MAST4: variants seen among roughly 807,000 people sequenced by gnomAD.
MAST4 encodes microtubule associated serine/threonine kinase family member 4, also known as microtubule-associated serine/threonine-protein kinase 4.
MAST4 carries 89 observed loss-of-function variants against 162.7 expected under a neutral mutation model. The ratio of observed to expected loss-of-function variants is 0.55; its 90% CI spans 0.46 to 0.65. MAST4 has a LOEUF of 0.65. MAST4 is among the 30% of genes least tolerant of loss of function. The pLI is 0.00. For missense variants in MAST4, 3,153 were observed against 3,374.0 expected (o/e 0.93, Z 1.62); for synonymous variants, 1,479 against 1,361.1 (o/e 1.09, Z -1.91).
intron 1 of MAST4, among the ~76,000 whole-genome samples, chr5:66,695,272 A>G (rs1472294387): frequency 6.6e-6 from 1 of 152,156 alleles, no homozygotes; most frequent in East Asian, 1.9e-4. Flanking sequence ...TAAATAGGGA[A>G]TCCTTTCCCC....
chr5:67,094,478 C>A (rs185620006), intron 6 of MAST4, among the ~76,000 whole-genome samples: 1 of 152,118 alleles, frequency 6.6e-6, no homozygotes, highest in Non-Finnish European at 1.5e-5. Flanking sequence ...CGTAATAACA[C>A]GAATTACAAA....
intron 4 of MAST4, among the ~76,000 whole-genome samples, chr5:66,911,611 C>G (rs951403824): frequency 8.3e-6 from 1 of 121,096 alleles, no homozygotes; most frequent in African/African-American, 3.1e-5. Context: ...TGGCATGTAT[C>G]TATAGTCCTA....
Position 67,165,955 on chromosome 5 carries a change from A to G in MAST4, c.6776A>G (p.Lys2259Arg), listed in dbSNP as rs1364450749. 1.9e-6 allele frequency: 3 copies of G among 1,613,412 alleles called. No homozygotes were observed. Among genetic ancestry groups the G allele is most frequent in the Non-Finnish European group, 2.5e-6 (3 of 1,179,794 alleles). ...CCTGCTACCCCAGGCTCCCAGAACA[A>G]AGCCAGCGATGGGATTGGCCAGGGA... ...VFPATPGSQN[K>R]ASDGIGQGEG... is the part of the protein sequence containing the mutation. Residue 2259 changes from lysine to arginine, a missense_variant, in exon 29 of 29, where the codon AAA becomes AGA. By Grantham distance (26) the Lys-to-Arg change is conservative. This residue lies in a region of MAST4 where 1,644 missense variants were observed against 1,495.0 expected (regional missense o/e 1.10). Coordinates refer to ENST00000403625, the MANE Select transcript of MAST4 (RefSeq NM_001164664.2).
chr5:66,967,305 A>G (rs1031525698), intron 4 of MAST4, among the ~76,000 whole-genome samples: 2 of 152,186 alleles, frequency 1.3e-5, no homozygotes, highest in South Asian at 2.1e-4. Flanking sequence ...GTACAGAGAC[A>G]TGAGTCAGCT....
chr5:67,102,652 A>G lies in MAST4; in HGVS notation c.1146+41A>G, dbSNP rs900012606. 6 of 1,486,562 alleles carry G rather than the reference A, an allele frequency of 4.0e-6. No individual in the cohort carries two copies. In the African/African-American group the frequency reaches 6.9e-5, roughly 17 times the overall value. 92.1% of individuals were successfully genotyped at this position (1,486,562 alleles called of 1,614,324 possible). On this transcript the variant is annotated intron_variant, in intron 9 of 28. Transcript: ENST00000403625. ...GAAGATGCCTAGCATCTAAACGAAC[A>G]GGCACCATAGGTTTAGAGTCTGTAA...
chr5:66,838,182 G>A (rs1385165445), intron 3 of MAST4, among the ~76,000 whole-genome samples: 1 of 151,974 alleles, frequency 6.6e-6, no homozygotes. Flanking sequence ...TCCAGGGCAT[G>A]ATGAGACAGT....
chr5:67,153,483 G>T lies in MAST4; in HGVS notation c.3551G>T (p.Cys1184Phe). 6.2e-7 allele frequency: 1 copy of T among 1,604,588 alleles called. No homozygotes were observed. Among genetic ancestry groups the T allele is most frequent in the Non-Finnish European group, 8.5e-7 (1 of 1,175,288 alleles). ...AATGTAGAAGAAGGAAGTCCGGCAT[G>T]CCAGGCAGGACTGAAGGCTGGAGAT... is the stretch of plus-strand genomic sequence containing the variant. ...VWNVEEGSPA[C>F]QAGLKAGDLI... is the part of the protein sequence containing the mutation. Residue 1184 changes from cysteine to phenylalanine, a missense_variant, in exon 26 of 29, where the codon TGC becomes TTC. Physicochemically the swap from Cys to Phe is radical, Grantham distance 205 (BLOSUM62 -2). This residue lies in a region of MAST4 where 619 missense variants were observed against 744.2 expected (regional missense o/e 0.83). Coordinates refer to ENST00000403625, the MANE Select transcript of MAST4 (RefSeq NM_001164664.2).
chr5:67,147,542 G>T lies in MAST4; in HGVS notation c.3095-1847G>T, dbSNP rs138977791. 7.6e-4 allele frequency among the ~76,000 whole-genome samples: 116 copies of T among 152,292 alleles called. 2 individuals are homozygous for T. Among genetic ancestry groups the T allele is most frequent in the African/African-American group, 2.7e-3 (111 of 41,570 alleles). On this transcript the variant is annotated intron_variant, in intron 23 of 28. Transcript: ENST00000403625. ...CTTTTATCATGACTACATTGTGTTT[G>T]AAGCCATGAAAAATAAACGTCTTGA... is the stretch of plus-strand genomic sequence containing the variant.
Position 67,165,245 on chromosome 5 carries a change from C to T in MAST4, c.6066C>T (p.His2022=). The T allele has an allele frequency of 1.9e-6, 3 of 1,613,016 alleles. No homozygotes were observed. The highest frequency in any genetic ancestry group is 2.5e-6 in the Non-Finnish European group (3 of 1,179,716). The change falls in exon 29 of 29, where the codon CAC becomes CAT. Residue 2022 remains histidine, a synonymous_variant. Coordinates refer to ENST00000403625, the MANE Select transcript of MAST4 (RefSeq NM_001164664.2). ...SKNLLSVGRT[H]PDFYTQTQAM... The stretch of plus-strand genomic sequence containing the variant: ...ATCTCCTCTCTGTGGGAAGGACCCA[C>T]CCAGATTTCTATACACAGACCCAGG...
At chr5:66,809,860 C>T (rs569836396) in intron 3 of MAST4, among the ~76,000 whole-genome samples, 4 of 152,236 alleles carry the variant, frequency 2.6e-5, no homozygotes, top group Middle Eastern at 3.4e-3. Context: ...CTCAGCTTCC[C>T]GAGTAGCTGG....
At position 67,168,905 on chromosome 5, in the gene MAST4, CAAAAA is replaced by C. The variant is rs1015000021; in HGVS notation, c.*1857_*1861del. 4 of 151,668 alleles carry C rather than the reference CAAAAA, an allele frequency of 2.6e-5. No individual in the cohort carries two copies. Among genetic ancestry groups the C allele is most frequent in the Non-Finnish European group, 5.9e-5 (4 of 67,896 alleles). The allele number at this position is 151,668 out of a possible 1,614,324, so 9.4% of individuals were successfully genotyped here. ...CTTTGGGAAAAAGGAAAAAAACAAA[CAAAAA>C]AAGAAAAAGAAAAAAGCCTCCTCCT... On this transcript the variant is annotated 3_prime_UTR_variant, in exon 29 of 29. Coordinates refer to ENST00000403625, the MANE Select transcript of MAST4 (RefSeq NM_001164664.2).
intron 1 of MAST4, among the ~76,000 whole-genome samples, chr5:66,696,165 G>T (rs1452667862): frequency 6.6e-6 from 1 of 151,978 alleles, no homozygotes; most frequent in African/African-American, 2.4e-5. Context: ...AACACATGGG[G>T]ATATGGAGGG....
intron 4 of MAST4, among the ~76,000 whole-genome samples, chr5:66,980,130 G>C (rs998111038): frequency 1.3e-5 from 2 of 152,154 alleles, no homozygotes; most frequent in Non-Finnish European, 2.9e-5. Context: ...TAGCTGGGCT[G>C]GGGGAGTAGA....
At chr5:67,096,257 C>T (rs536058581) in intron 7 of MAST4, among the ~76,000 whole-genome samples, 2 of 152,182 alleles carry the variant, frequency 1.3e-5, no homozygotes, top group African/African-American at 4.8e-5. Flanking sequence ...TACTCTTGCC[C>T]CAAACTATAA....
At position 66,816,267 on chromosome 5, in the gene MAST4, G is replaced by A. The variant is rs114684510; in HGVS notation, c.642+27473G>A. Among the ~76,000 whole-genome samples the A allele has an allele frequency of 6.0e-3, 913 of 151,578 alleles. 8 individuals carry two copies. The highest frequency in any genetic ancestry group is 0.021 in the African/African-American group (874 of 41,258). ...CTCATCAGCTATTGTTAGTGTTCAT[G>A]TATTTTTTGTGTGGTCCAAGACAAT... On this transcript the variant is annotated intron_variant, in intron 3 of 28. Transcript: ENST00000403625.
chr5:66,733,225 C>T (rs1438773363), intron 1 of MAST4, among the ~76,000 whole-genome samples: 2 of 152,114 alleles, frequency 1.3e-5, no homozygotes, highest in African/African-American at 2.4e-5. Flanking sequence ...GCCTCTGTCT[C>T]CCTGTCTCCT....
chr5:67,078,857 TA>T (rs1347125586), intron 5 of MAST4, among the ~76,000 whole-genome samples: 73 of 116,910 alleles, frequency 6.2e-4, no homozygotes, highest in Non-Finnish European at 1.0e-3. Flanking sequence ...TTTATATATT[TA>T]TATAAATATA....
At chr5:67,010,634 G>A (rs956204807) in intron 4 of MAST4, among the ~76,000 whole-genome samples, 1 of 152,184 alleles carries the variant, frequency 6.6e-6, no homozygotes, top group Non-Finnish European at 1.5e-5. Context: ...CTTAAGGAGT[G>A]GGCAGAAATG....
At chr5:67,077,349 T>C (rs6867374) in intron 5 of MAST4, among the ~76,000 whole-genome samples, 2,176 of 152,280 alleles carry the variant, frequency 0.014, 31 homozygotes, top group African/African-American at 0.037. Context: ...TTGGGGTTTT[T>C]TAAGTTCCCT....
Sources: allele counts gnomAD v4.1 joint callset (sites outside exome capture counted in the v4.1 genomes callset), GRCh38; gene constraint gnomAD v4.1.1; regional missense constraint gnomAD v4.1.1; transcripts MANE v1.5; gene names NCBI Gene and HGNC (gene_info 2026-07-23, HGNC 2026-07-21).